Variants in ESCO1 observed in about 807,000 individuals in gnomAD.
ESCO1 encodes N-acetyltransferase ESCO1.
A neutral mutation model predicts 83.5 loss-of-function variants in ESCO1; 33 were observed. The ratio of observed to expected loss-of-function variants is 0.40; its 90% CI spans 0.30 to 0.53. The LOEUF is 0.53. Among genes scored for constraint, ESCO1 ranks in the 20% least tolerant of loss-of-function variants. The pLI, the probability that ESCO1 is intolerant of heterozygous loss-of-function variation, is 0.63. For synonymous variants in ESCO1, 332 were observed against 324.3 expected (o/e 1.02, Z -0.25); for missense variants, 855 against 968.0 (o/e 0.88, Z 1.55).
At chr18:21,538,049 G>C (rs1258864322) in intron 9 of ESCO1, among the ~76,000 whole-genome samples, 1 of 151,664 alleles carries the variant, frequency 6.6e-6, no homozygotes, top group Non-Finnish European at 1.5e-5. Flanking sequence ...TGAATGCATA[G>C]AATATATGTA....
At chr18:21,583,007 C>A (rs1438580148) in intron 2 of ESCO1, among the ~76,000 whole-genome samples, 1 of 152,062 alleles carries the variant, frequency 6.6e-6, no homozygotes, top group African/African-American at 2.4e-5. Flanking sequence ...GGCTGGCCAA[C>A]ACGGCAAAAC....
At chr18:21,555,120 T>C (rs974519600) in intron 8 of ESCO1, among the ~76,000 whole-genome samples, 2 of 151,758 alleles carry the variant, frequency 1.3e-5, no homozygotes, top group African/African-American at 4.8e-5. Context: ...AATAAAGACA[T>C]GGGAGATGTT....
At chr18:21,591,701 T>C (rs1443728091) in intron 1 of ESCO1, among the ~76,000 whole-genome samples, 1 of 151,808 alleles carries the variant, frequency 6.6e-6, no homozygotes, top group Non-Finnish European at 1.5e-5. Context: ...TGATCATTCT[T>C]GGGTGTTTCT....
At chr18:21,576,905 C>T (rs1468274415) in intron 2 of ESCO1, among the ~76,000 whole-genome samples, 1 of 151,926 alleles carries the variant, frequency 6.6e-6, no homozygotes, top group African/African-American at 2.4e-5. Context: ...TGGTGGCAGG[C>T]GCCTGTAATC....
chr18:21,571,121 T>C (rs934479891), intron 4 of ESCO1, among the ~76,000 whole-genome samples: 1 of 152,206 alleles, frequency 6.6e-6, no homozygotes, highest in African/African-American at 2.4e-5. Flanking sequence ...ATCTCTGCTA[T>C]ATTCTAAATG....
intron 7 of ESCO1, 26 bp downstream of exon 7, chr18:21,564,177 C>T: frequency 7.0e-7 from 1 of 1,421,466 alleles, no homozygotes; most frequent in Non-Finnish European, 9.8e-7. Flanking sequence ...CAACAATTCA[C>T]CAAAATGGTC....
At chr18:21,562,633 C>A (rs1380384969) in intron 7 of ESCO1, among the ~76,000 whole-genome samples, 3 of 151,174 alleles carry the variant, frequency 2.0e-5, no homozygotes, top group African/African-American at 4.9e-5. Context: ...CAGCATGAGA[C>A]CCTATCTTAA....
rs778319659 is a variant in ESCO1, at chr18:21,574,549, T to G, written c.295A>C (p.Lys99Gln). 1 of 1,613,814 alleles carries G rather than the reference T, an allele frequency of 6.2e-7. No homozygotes were observed. The stretch of plus-strand genomic sequence containing the variant: ...AATTTTTTCTGAGATAATTTCTTTT[T>G]TGTAGATTCTTGTGAATATCCCCTC... ...TVRGYSQESTKKKLSQKKLVH... is the reference protein window; with the variant it reads ...TVRGYSQESTQKKLSQKKLVH... Residue 99 changes from lysine to glutamine, a missense_variant, in exon 4 of 12, where the codon AAA (lysine) becomes CAA (glutamine). Transcript: ENST00000269214.
chr18:21,575,296 T>C lies in ESCO1; in HGVS notation c.-453A>G, dbSNP rs2038404816. On this transcript the variant is annotated 5_prime_UTR_variant, in exon 4 of 12. Coordinates refer to ENST00000269214, the MANE Select transcript of ESCO1 (RefSeq NM_052911.3). Reference sequence around the variant, plus strand: ...GAAGTCTACAGTTATTGGACTTCGATTCACTTGAAACATGTCTTATGGCTA... The same window carrying C: ...GAAGTCTACAGTTATTGGACTTCGACTCACTTGAAACATGTCTTATGGCTA... 1.0e-5 allele frequency: 4 copies of C among 394,854 alleles called. No homozygotes were observed. The highest frequency in any genetic ancestry group is 1.3e-4 in the South Asian group (1 of 7,622). The allele number at this position is 394,854 out of a possible 1,614,324, so 24.5% of individuals were successfully genotyped here. A position where few individuals can be genotyped will look rare whatever the true frequency, so the allele number is the denominator to read the frequency against.
rs2037835023 is a variant in ESCO1, at chr18:21,536,193, ATAAAGAACAGTAATTATTTT to A, written c.2044-28_2044-9del. On this transcript the variant is annotated splice_polypyrimidine_tract_variant and intron_variant, in intron 9 of 11. Transcript: ENST00000269214. ...CTCTCTAATCTCGTCAACCTGCCAA[ATAAAGAACAGTAATTATTTT>A]TAAATGAAAATATTATATACATGTA... The A allele has an allele frequency of 6.2e-7, 1 of 1,606,364 alleles. No homozygotes were observed. The highest frequency in any genetic ancestry group is 8.5e-7 in the Non-Finnish European group (1 of 1,177,830).
intron 8 of ESCO1, among the ~76,000 whole-genome samples, chr18:21,548,097 G>A (rs891539925): frequency 2.0e-4 from 30 of 151,322 alleles, no homozygotes; most frequent in African/African-American, 6.6e-4. Context: ...GCAAGACTCC[G>A]TCTCAAAAAG....
chr18:21,551,192 C>A (rs1038664680), intron 8 of ESCO1, among the ~76,000 whole-genome samples: 1 of 151,646 alleles, frequency 6.6e-6, no homozygotes, highest in Non-Finnish European at 1.5e-5. Flanking sequence ...ATGTCCAGGC[C>A]GGGCGCAGTG....
intron 6 of ESCO1, among the ~76,000 whole-genome samples, chr18:21,565,550 G>T (rs979678377): frequency 6.6e-6 from 1 of 152,274 alleles, no homozygotes. Flanking sequence ...TTTCTGGATA[G>T]AAATGAACCA....
In ESCO1 at chr18:21,544,452, CA is replaced by C. The variant is rs1052888092; in HGVS notation, c.1954-4444del. ...TGAAACCTCGTTTCTACTAAAAATA[CA>C]AAAAAAAAACAAAAAAAAAACAAAA... On this transcript the variant is annotated intron_variant, in intron 8 of 11. Transcript: ENST00000269214. 1.0e-3 allele frequency among the ~76,000 whole-genome samples: 135 copies of C among 130,906 alleles called. 1 individual carries two copies. The highest frequency in any genetic ancestry group is 1.8e-3 in the Non-Finnish European group (111 of 61,126). 85.9% of individuals were successfully genotyped at this position (130,906 alleles called of 152,430 possible). A position where few individuals can be genotyped will look rare whatever the true frequency, so the allele number is the denominator to read the frequency against.
At position 21,569,745 on chromosome 18, in the gene ESCO1, G is replaced by C. The variant is rs1034190183; in HGVS notation, c.1531-1651C>G. On this transcript the variant is annotated intron_variant, in intron 4 of 11. Transcript: ENST00000269214. ...TGTGGTGGCGGTCCCAGTTACTCAC[G>C]AGGCTAAGGCAGGAGAAATCACTTG... Among the ~76,000 whole-genome samples the C allele has an allele frequency of 2.0e-5, 3 of 152,136 alleles. No homozygotes were observed. In the East Asian group the frequency reaches 5.8e-4, roughly 29 times the overall value.
chr18:21,564,050 C>T (rs974614789), intron 7 of ESCO1, among the ~76,000 whole-genome samples, 153 bp downstream of exon 7: 1 of 152,198 alleles, frequency 6.6e-6, no homozygotes, highest in African/African-American at 2.4e-5. Flanking sequence ...CTGCCACCCT[C>T]ACCAGATGCA....
At chr18:21,551,497 C>G (rs1568097218) in intron 8 of ESCO1, among the ~76,000 whole-genome samples, 1 of 152,136 alleles carries the variant, frequency 6.6e-6, no homozygotes, top group Non-Finnish European at 1.5e-5. Context: ...ACCAGCCCTT[C>G]CTAAGTGAGC....
chr18:21,581,728 T>A (rs2038505308), intron 2 of ESCO1, among the ~76,000 whole-genome samples: 1 of 152,152 alleles, frequency 6.6e-6, no homozygotes. Flanking sequence ...AATAGATTAC[T>A]CAACAATTGC....
intron 8 of ESCO1, among the ~76,000 whole-genome samples, chr18:21,549,963 CAAAAA>C (rs397940311): frequency 8.1e-6 from 1 of 122,822 alleles, no homozygotes; most frequent in African/African-American, 3.0e-5. Context: ...ACTCCATCTC[CAAAAA>C]AAAAAAAAAG....
Sources: gnomAD v4.1 joint callset for allele counts (sites outside exome capture counted in the v4.1 genomes callset) on GRCh38, gnomAD v4.1.1 for gene constraint, MANE v1.5 for transcripts, NCBI Gene and HGNC (gene_info 2026-07-23, HGNC 2026-07-21) for gene names.